The following ABCC9 variants were observed in gnomAD, a reference collection of about 807,000 sequenced individuals.
ABCC9 encodes ATP binding cassette subfamily C member 9, also known as ATP-binding cassette sub-family C member 9.
In ABCC9, 95 loss-of-function variants were observed where a neutral mutation model predicts 188.3. The observed-to-expected ratio is 0.50, with a 90% CI of 0.43 to 0.60. ABCC9 has a LOEUF of 0.60. ABCC9 is among the 20% of genes least tolerant of loss of function. The pLI is 0.00. For synonymous variants in ABCC9, 659 were observed against 652.7 expected, an observed-to-expected ratio of 1.01 and a Z score of -0.15; for missense variants, 1,102 against 1,876.3, an observed-to-expected ratio of 0.59 and a Z score of 7.62.
intron 18 of ABCC9, among the ~76,000 whole-genome samples, chr12:21,870,112 A>G (rs576724118): frequency 1.8e-4 from 28 of 152,228 alleles, no homozygotes; most frequent in African/African-American, 4.8e-4. Context: ...TATATAATCT[A>G]TAATCTAGTA....
intron 12 of ABCC9, among the ~76,000 whole-genome samples, chr12:21,896,540 C>G (rs577733288): frequency 3.9e-5 from 6 of 152,088 alleles, no homozygotes; most frequent in Non-Finnish European, 8.8e-5. Context: ...CCTATTAAGC[C>G]CAGATGCATT....
intron 30 of ABCC9, among the ~76,000 whole-genome samples, chr12:21,835,945 C>G (rs1944056618): frequency 6.6e-6 from 1 of 152,162 alleles, no homozygotes; most frequent in African/African-American, 2.4e-5. Flanking sequence ...AATTTCCTAA[C>G]TTGGAAAACT....
chr12:21,828,051 G>A (rs753713762), intron 31 of ABCC9, among the ~76,000 whole-genome samples: 2 of 152,082 alleles, frequency 1.3e-5, no homozygotes, highest in Admixed American at 6.5e-5. Context: ...TTAGTGAAAC[G>A]CAATTAGTGG....
chr12:21,806,236 G>A (rs145364130), intron 38 of ABCC9, among the ~76,000 whole-genome samples, 176 bp from the exon 39 acceptor site: 1 of 152,118 alleles, frequency 6.6e-6, no homozygotes, highest in Non-Finnish European at 1.5e-5. Flanking sequence ...GATTCTGTAC[G>A]TGTCTTTAAA....
At position 21,805,184 on chromosome 12, in the gene ABCC9, G is replaced by A. The variant is rs387906805; in HGVS notation, c.4512+814C>T. 6.2e-7 allele frequency: 1 copy of A among 1,613,934 alleles called. No homozygotes were observed. The highest frequency in any genetic ancestry group is 8.5e-7 in the Non-Finnish European group (1 of 1,179,928). ...ATAGATCATGATGGTCTACTTGTTG[G>A]TCATCACCAAAGTGGAAAAGAGGCC... On this transcript the variant is annotated intron_variant, in intron 39 of 39. Transcript: ENST00000261200.
intron 38 of ABCC9, among the ~76,000 whole-genome samples, chr12:21,806,978 T>A (rs1941899896): frequency 6.6e-6 from 1 of 152,184 alleles, no homozygotes; most frequent in South Asian, 2.1e-4. Flanking sequence ...TGGTGTTGGT[T>A]AGTAATAGAT....
rs574057853 is a variant in ABCC9 at position 21,799,833 on chromosome 12, A to C, written c.*1211T>G. 8.5e-5 allele frequency: 13 copies of C among 152,352 alleles called. No individual in the cohort carries two copies. The highest frequency in any genetic ancestry group is 2.9e-4 in the African/African-American group (12 of 41,582). 9.4% of individuals were successfully genotyped at this position (152,352 alleles called of 1,614,324 possible). On this transcript the variant is annotated 3_prime_UTR_variant, in exon 40 of 40. Transcript: ENST00000261200. ...GTAGAAACTGGTTGCTAACGTGACA[A>C]AGAAGGTGACTTTTAGTATTTTTGA...
At chr12:21,871,230 A>G (rs1946056981) in intron 18 of ABCC9, among the ~76,000 whole-genome samples, 1 of 152,160 alleles carries the variant, frequency 6.6e-6, no homozygotes, top group African/African-American at 2.4e-5. Context: ...AACATCATCT[A>G]GTGCCTGAGG....
intron 4 of ABCC9, among the ~76,000 whole-genome samples, chr12:21,926,866 A>G (rs1949065762): frequency 6.6e-6 from 1 of 152,216 alleles, no homozygotes; most frequent in African/African-American, 2.4e-5. Flanking sequence ...TCCAGACCAG[A>G]TGTGCATAGT....
intron 38 of ABCC9, 95 bp downstream of exon 38, chr12:21,807,251 T>G: frequency 6.5e-7 from 1 of 1,540,366 alleles, no homozygotes. Flanking sequence ...ACAATAGTAC[T>G]GAGGATTCAG....
Position 21,800,266 on chromosome 12 carries a change from T to C in ABCC9, c.*778A>G, listed in dbSNP as rs932319085. The C allele has an allele frequency of 1.3e-5, 2 of 152,210 alleles. No individual in the cohort carries two copies. The highest frequency in any genetic ancestry group is 2.9e-5 in the Non-Finnish European group (2 of 68,044). The allele number at this position is 152,210 out of a possible 1,614,324, so 9.4% of individuals were successfully genotyped here. On this transcript the variant is annotated 3_prime_UTR_variant, in exon 40 of 40. Transcript: ENST00000261200. ...TCATAACCACAGCTAATCATTAAAC[T>C]ATAGAAAGTTTAGCTGGCCTGCCAC...
At chr12:21,811,366 A>T (rs2137143728) in intron 36 of ABCC9, among the ~76,000 whole-genome samples, 1 of 152,298 alleles carries the variant, frequency 6.6e-6, no homozygotes, top group East Asian at 1.9e-4. Flanking sequence ...ACTAATACAG[A>T]TGCCAACATG....
intron 32 of ABCC9, among the ~76,000 whole-genome samples, chr12:21,817,628 G>T (rs1942732155): frequency 6.6e-6 from 1 of 152,010 alleles, no homozygotes; most frequent in Admixed American, 6.6e-5. Flanking sequence ...TCCCCAGCTG[G>T]GTTGTGTACA....
At chr12:21,819,825 A>C (rs1329298601) in intron 31 of ABCC9, among the ~76,000 whole-genome samples, 1 of 152,226 alleles carries the variant, frequency 6.6e-6, no homozygotes, top group Non-Finnish European at 1.5e-5. Flanking sequence ...CAAAGATTAA[A>C]GGAAAAAAAA....
intron 26 of ABCC9, 87 bp downstream of exon 26, chr12:21,845,516 A>G (rs1206714332): frequency 9.9e-7 from 1 of 1,009,886 alleles, no homozygotes; most frequent in African/African-American, 1.6e-5. Context: ...GGCATTTGGG[A>G]TATAAGCATC....
intron 20 of ABCC9, among the ~76,000 whole-genome samples, chr12:21,861,308 G>A (rs113620505): frequency 3.3e-4 from 49 of 149,310 alleles, no homozygotes; most frequent in African/African-American, 1.1e-3. Flanking sequence ...TTGGTTCACT[G>A]CAACCTCTGC....
At chr12:21,882,668 AT>A (rs1946679491) in intron 16 of ABCC9, 97 bp downstream of exon 16, 1 of 1,125,664 alleles carries the variant, frequency 8.9e-7, no homozygotes, top group Non-Finnish European at 1.3e-6. Flanking sequence ...TGTAAAAACA[AT>A]TTAAAGGCAC....
chr12:21,899,239 A>C (rs1947587711), intron 12 of ABCC9, among the ~76,000 whole-genome samples: 1 of 152,242 alleles, frequency 6.6e-6, no homozygotes, highest in East Asian at 1.9e-4. Context: ...TCATCTATTT[A>C]GGAAAAAACC....
chr12:21,905,230 T>C (rs145168386), intron 12 of ABCC9, among the ~76,000 whole-genome samples: 8 of 151,624 alleles, frequency 5.3e-5, no homozygotes, highest in Non-Finnish European at 1.0e-4. Context: ...ATGAAAACAC[T>C]TGGACCCCTC....
Sources: gnomAD v4.1 joint callset for allele counts (sites outside exome capture counted in the v4.1 genomes callset) on GRCh38, gnomAD v4.1.1 for gene constraint, MANE v1.5 for transcripts, NCBI Gene and HGNC (gene_info 2026-07-23, HGNC 2026-07-21) for gene names.